MYO16: variants seen among roughly 807,000 people sequenced by gnomAD.
MYO16 encodes myosin XVI, also known as unconventional myosin-XVI.
A neutral mutation model predicts 205.3 loss-of-function variants in MYO16; 94 were observed. The observed-to-expected ratio is 0.46, with a 90% CI of 0.39 to 0.54. The LOEUF is 0.54. Ranked by LOEUF, MYO16 falls within the 20% of genes least tolerant of loss-of-function variation. The pLI is 0.00. For missense variants in MYO16, 2,315 were observed against 2,387.5 expected (o/e 0.97, Z 0.63); for synonymous variants, 988 against 954.0 (o/e 1.04, Z -0.66).
rs573993997 is a variant in MYO16 at position 109,162,485 on chromosome 13, A to G, written c.5165-2416A>G. On this transcript the variant is annotated intron_variant, in intron 32 of 34. Coordinates refer to ENST00000457511, the MANE Select transcript of MYO16 (RefSeq NM_001198950.3). The surrounding 1 kb of genome is among the most constrained non-coding windows in gnomAD (Gnocchi z 4.6). ...CACATGGTGTGGAGGTTGCCTTTCTAAAATCACGAGCTGAAATGCAACCTC... is the reference window on the plus strand; with the variant it reads ...CACATGGTGTGGAGGTTGCCTTTCTGAAATCACGAGCTGAAATGCAACCTC... Among the ~76,000 whole-genome samples, 3 of 152,310 alleles carry G rather than the reference A, an allele frequency of 2.0e-5. No individual in the cohort carries two copies. The highest frequency in any genetic ancestry group is 2.0e-4 in the Admixed American group (3 of 15,300).
chr13:109,008,942 G>A lies in MYO16; in HGVS notation c.2488G>A (p.Glu830Lys). Residue 830 changes from glutamate to lysine, a missense_variant, in exon 22 of 35, where the codon GAA becomes AAA. Physicochemically the swap from Glu to Lys is moderately conservative, Grantham distance 56 (BLOSUM62 1). Around this residue, in one of 3 missense-constraint regions of MYO16, gnomAD observed 1,213 missense variants for 1,274.4 expected, o/e 0.95. Transcript: ENST00000457511. Reference protein sequence around the residue: ...TNEKMHHYINEVLFLHEQVEC... With the variant: ...TNEKMHHYINKVLFLHEQVEC... ...TGAGAAGATGCACCACTATATCAAT[G>A]AAGTGCTTTTTCTCCACGAGCAAGT... The A allele has an allele frequency of 6.2e-7, 1 of 1,613,398 alleles. No individual in the cohort carries two copies. Among genetic ancestry groups the A allele is most frequent in the Non-Finnish European group, 8.5e-7 (1 of 1,179,674 alleles).
At position 108,965,008 on chromosome 13, in the gene MYO16, C is replaced by T. The variant is rs182765541; in HGVS notation, c.2369+106C>T. ...ATTACAGGGTAACCAATAAGTTAAA[C>T]TTCATTAATATATTTTATTTTAACA... is the stretch of plus-strand genomic sequence containing the variant. On this transcript the variant is annotated intron_variant, in intron 20 of 34. Transcript: ENST00000457511. The T allele has an allele frequency of 5.3e-6, 6 of 1,133,670 alleles. No individual in the cohort carries two copies. In the East Asian group the frequency reaches 1.2e-4, roughly 24 times the overall value. 70.2% of individuals were successfully genotyped at this position (1,133,670 alleles called of 1,614,324 possible).
intron 20 of MYO16, among the ~76,000 whole-genome samples, chr13:108,975,759 A>G (rs1330184585): frequency 6.6e-6 from 1 of 152,164 alleles, no homozygotes; most frequent in African/African-American, 2.4e-5. Flanking sequence ...GAAAAAAAGC[A>G]GCATGATTTT....
intron 4 of MYO16, among the ~76,000 whole-genome samples, chr13:108,750,774 T>C (rs548997339): frequency 2.6e-5 from 4 of 152,128 alleles, no homozygotes; most frequent in African/African-American, 9.6e-5. Flanking sequence ...GCCACTGCAC[T>C]CCAGCCTGGG....
chr13:108,508,360 T>G, the MYO16 span, among the ~76,000 whole-genome samples: 4 of 152,084 alleles, frequency 2.6e-5, no homozygotes, highest in Non-Finnish European at 4.4e-5. Context: ...TCTCAAAGCT[T>G]TTTTGGGGAT....
At chr13:108,966,410 A>G (rs1411069289) in intron 20 of MYO16, among the ~76,000 whole-genome samples, 2 of 152,218 alleles carry the variant, frequency 1.3e-5, no homozygotes, top group Non-Finnish European at 2.9e-5. Context: ...TAAATTTTAC[A>G]GAGCCTTAAA....
chr13:108,914,682 G>A (rs571781460), intron 16 of MYO16, among the ~76,000 whole-genome samples: 9 of 151,956 alleles, frequency 5.9e-5, no homozygotes, highest in South Asian at 2.1e-4. Context: ...TTGCTCTGTC[G>A]CCCAGGCTGG....
chr13:108,521,789 A>G, the MYO16 span, among the ~76,000 whole-genome samples: 1 of 152,216 alleles, frequency 6.6e-6, no homozygotes, highest in East Asian at 1.9e-4. Context: ...GAATGTGGAA[A>G]AAAAATAACA....
chr13:108,699,624 C>A (rs1883223712), intron 2 of MYO16, among the ~76,000 whole-genome samples: 1 of 152,054 alleles, frequency 6.6e-6, no homozygotes, highest in South Asian at 2.1e-4. Flanking sequence ...TACATCTGTC[C>A]TGGAATATAT....
At chr13:108,532,776 G>A in the MYO16 span, among the ~76,000 whole-genome samples, 1 of 152,012 alleles carries the variant, frequency 6.6e-6, no homozygotes, top group African/African-American at 2.4e-5. Flanking sequence ...GGATGATAGA[G>A]CAAGGCCCTG....
chr13:109,153,620 A>G (rs1050576144), intron 32 of MYO16, among the ~76,000 whole-genome samples: 2 of 152,076 alleles, frequency 1.3e-5, no homozygotes, highest in African/African-American at 2.4e-5. Context: ...GTAGCCGGGC[A>G]TGGTGGTGTG....
chr13:108,920,953 C>T (rs925012476), intron 16 of MYO16, among the ~76,000 whole-genome samples: 2 of 152,122 alleles, frequency 1.3e-5, no homozygotes, highest in African/African-American at 4.8e-5. Flanking sequence ...GTTTGCAGAG[C>T]GTGGCCCAAA....
At chr13:108,532,986 C>T in the MYO16 span, among the ~76,000 whole-genome samples, 3 of 152,060 alleles carry the variant, frequency 2.0e-5, no homozygotes, top group Non-Finnish European at 4.4e-5. Context: ...GAAGAGATAC[C>T]TGCTTCATTT....
chr13:108,674,495 T>C (rs1324258757), intron 2 of MYO16, among the ~76,000 whole-genome samples: 1 of 152,152 alleles, frequency 6.6e-6, no homozygotes, highest in Non-Finnish European at 1.5e-5. Flanking sequence ...TGGCGTTTTA[T>C]TGGATGCAGC....
At chr13:108,633,146 G>A (rs76266759) in intron 1 of MYO16, among the ~76,000 whole-genome samples, 5,677 of 152,128 alleles carry the variant, frequency 0.037, 348 homozygotes, top group African/African-American at 0.13. Context: ...ACCTAAGAAC[G>A]AATTGTATCA....
chr13:108,568,101 C>T, the MYO16 span, among the ~76,000 whole-genome samples: 2 of 152,010 alleles, frequency 1.3e-5, no homozygotes, highest in Admixed American at 6.6e-5. Context: ...TTTTATTTTC[C>T]ATTTATCAGT....
intron 27 of MYO16, among the ~76,000 whole-genome samples, chr13:109,082,174 A>T (rs1431602532): frequency 6.6e-6 from 1 of 152,152 alleles, no homozygotes; most frequent in Admixed American, 6.5e-5. Context: ...CTGACCAGTG[A>T]TTTATAGAAT....
intron 23 of MYO16, among the ~76,000 whole-genome samples, chr13:109,025,114 G>A (rs1333517151): frequency 6.6e-6 from 1 of 152,120 alleles, no homozygotes; most frequent in Non-Finnish European, 1.5e-5. Flanking sequence ...GACCGATGGG[G>A]TAGAATGTAT....
Position 108,972,586 on chromosome 13 carries a change from A to G in MYO16, c.2369+7684A>G, listed in dbSNP as rs141484049. Among the ~76,000 whole-genome samples the G allele has an allele frequency of 1.4e-3, 207 of 150,538 alleles. 1 individual carries two copies. The highest frequency in any genetic ancestry group is 2.5e-3 in the Non-Finnish European group (172 of 67,730). On this transcript the variant is annotated intron_variant, in intron 20 of 34. Coordinates refer to ENST00000457511, the MANE Select transcript of MYO16 (RefSeq NM_001198950.3). ...AAGGGAGATATTTTGTTCTTGGGAAATAGATATATCAGGATTCACAGAACA... is the reference window on the plus strand; with the variant it reads ...AAGGGAGATATTTTGTTCTTGGGAAGTAGATATATCAGGATTCACAGAACA...
Sources: allele counts gnomAD v4.1 joint callset (sites outside exome capture counted in the v4.1 genomes callset), GRCh38; gene constraint gnomAD v4.1.1; regional missense constraint gnomAD v4.1.1; non-coding constraint Gnocchi (gnomAD v3.1); transcripts MANE v1.5; gene names NCBI Gene and HGNC (gene_info 2026-07-23, HGNC 2026-07-21).